NDST4: variants seen among roughly 807,000 people sequenced by gnomAD.
NDST4 encodes N-deacetylase and N-sulfotransferase 4.
In NDST4, 63 loss-of-function variants were observed where a neutral mutation model predicts 100.8. The ratio of observed to expected loss-of-function variants is 0.62; its 90% CI spans 0.51 to 0.77. The LOEUF is 0.77. Among genes scored for constraint, NDST4 ranks in the 30% least tolerant of loss-of-function variants. NDST4 has a pLI of 0.00. For synonymous variants in NDST4, 377 were observed against 361.8 expected (o/e 1.04, Z -0.48); for missense variants, 943 against 1,018.4 (o/e 0.93, Z 1.01).
chr4:114,873,900 G>A lies in NDST4; in HGVS notation c.1537-2950C>T, dbSNP rs576216706. On this transcript the variant is annotated intron_variant, in intron 6 of 13. Coordinates refer to ENST00000264363, the MANE Select transcript of NDST4 (RefSeq NM_022569.3). ...GAAATCTACCACCTGCCTTCTTAGC[G>A]TTGTTATTTTAAGAAGGAATTGTAA... Among the ~76,000 whole-genome samples, 119 of 152,126 alleles carry A rather than the reference G, an allele frequency of 7.8e-4. 3 individuals are homozygous for A. The South Asian group carries it at 0.016, about 21-fold the overall frequency.
At chr4:114,943,124 T>TA (rs1382219833) in intron 4 of NDST4, among the ~76,000 whole-genome samples, 1 of 148,570 alleles carries the variant, frequency 6.7e-6, no homozygotes, top group Non-Finnish European at 1.5e-5. Context: ...AGGATAAGCT[T>TA]AAAAAGATAA....
At chr4:115,033,975 T>G (rs1322025822) in intron 2 of NDST4, among the ~76,000 whole-genome samples, 1 of 152,170 alleles carries the variant, frequency 6.6e-6, no homozygotes, top group Non-Finnish European at 1.5e-5. Flanking sequence ...TATCGTATTT[T>G]GATCCTAAAA....
intron 6 of NDST4, among the ~76,000 whole-genome samples, chr4:114,908,547 GTGATA>G (rs1484743197): frequency 2.6e-5 from 4 of 152,064 alleles, no homozygotes; most frequent in East Asian, 1.9e-4. Context: ...CCATTTTTAT[GTGATA>G]TGATATGATA....
intron 6 of NDST4, among the ~76,000 whole-genome samples, chr4:114,896,361 C>T (rs1560800680): frequency 2.0e-5 from 3 of 152,060 alleles, no homozygotes; most frequent in African/African-American, 7.2e-5. Flanking sequence ...CGGTGGCTCA[C>T]GCCTGTAATC....
chr4:114,988,350 A>ATTTTT (rs1560846225), intron 2 of NDST4, among the ~76,000 whole-genome samples: 36 of 76,660 alleles, frequency 4.7e-4, no homozygotes, highest in South Asian at 1.1e-3. Flanking sequence ...AGATACACAT[A>ATTTTT]TCTTTTTTTT....
intron 1 of NDST4, among the ~76,000 whole-genome samples, chr4:115,092,111 G>A (rs377365154): frequency 6.6e-6 from 1 of 152,296 alleles, no homozygotes; most frequent in Non-Finnish European, 1.5e-5. Context: ...TTGAAAAGTA[G>A]CCATAGAGCA....
At chr4:114,908,256 T>C (rs1041296113) in intron 6 of NDST4, among the ~76,000 whole-genome samples, 3 of 152,152 alleles carry the variant, frequency 2.0e-5, no homozygotes, top group African/African-American at 7.2e-5. Flanking sequence ...GGTACATATA[T>C]TTAAAGTACT....
rs1227868489 is a variant in NDST4, at chr4:115,076,906, A to G, written c.131T>C (p.Ile44Thr). 2.0e-5 allele frequency: 33 copies of G among 1,613,676 alleles called. No individual in the cohort carries two copies. The highest frequency in any genetic ancestry group is 4.5e-5 in the East Asian group (2 of 44,772). Residue 44 changes from isoleucine (I) to threonine (T), a missense_variant, in exon 2 of 14, where the codon ATT becomes ACT. Transcript: ENST00000264363. ...GCATTCTGCTTCTGCAGTGGTTTCA[A>G]TAAGTGTCATTTCCTGTTTGTAGCC... ...YSGYKQEMTL[I>T]ETTAEAECTD...
At chr4:114,850,964 T>C (rs1723663959) in intron 8 of NDST4, among the ~76,000 whole-genome samples, 1 of 152,178 alleles carries the variant, frequency 6.6e-6, no homozygotes, top group African/African-American at 2.4e-5. Context: ...CTTCTCCCCT[T>C]CCTCATTCCC....
chr4:115,046,712 G>C (rs1728471064), intron 2 of NDST4, among the ~76,000 whole-genome samples: 1 of 152,062 alleles, frequency 6.6e-6, no homozygotes, highest in African/African-American at 2.4e-5. Flanking sequence ...TGTTAAGCCT[G>C]TGTTTTAGCT....
chr4:115,084,469 A>G (rs2126292504), intron 1 of NDST4, among the ~76,000 whole-genome samples: 1 of 152,294 alleles, frequency 6.6e-6, no homozygotes, highest in South Asian at 2.1e-4. Flanking sequence ...TGGGGAAAAC[A>G]TCTTCAGGGC....
At chr4:114,834,372 G>C (rs185775062) in intron 11 of NDST4, among the ~76,000 whole-genome samples, 13 of 152,146 alleles carry the variant, frequency 8.5e-5, no homozygotes, top group African/African-American at 3.1e-4. Context: ...AAATTAGCCA[G>C]TCATGGTGGC....
chr4:114,999,155 A>G (rs1727228871), intron 2 of NDST4, among the ~76,000 whole-genome samples: 1 of 152,046 alleles, frequency 6.6e-6, no homozygotes, highest in Non-Finnish European at 1.5e-5. Context: ...TCACTGAGAT[A>G]TTTAATTAGT....
At chr4:115,034,782 A>G (rs1024808070) in intron 2 of NDST4, among the ~76,000 whole-genome samples, 4 of 152,076 alleles carry the variant, frequency 2.6e-5, no homozygotes, top group Non-Finnish European at 5.9e-5. Context: ...CTGATTACTG[A>G]CCATGGCAGT....
chr4:115,063,787 C>CT (rs1673071893), intron 2 of NDST4, among the ~76,000 whole-genome samples: 1 of 151,828 alleles, frequency 6.6e-6, no homozygotes, highest in Admixed American at 6.6e-5. Context: ...TAAAAGATTG[C>CT]TTTTTTACCT....
At chr4:114,865,146 C>T (rs1265087088) in intron 7 of NDST4, among the ~76,000 whole-genome samples, 1 of 151,650 alleles carries the variant, frequency 6.6e-6, no homozygotes, top group Non-Finnish European at 1.5e-5. Flanking sequence ...CTCACTGCAA[C>T]CTCTGCCTCC....
intron 4 of NDST4, among the ~76,000 whole-genome samples, chr4:114,965,309 C>T (rs1361692450): frequency 1.3e-5 from 2 of 151,938 alleles, no homozygotes; most frequent in African/African-American, 2.4e-5. Context: ...TATCATATTA[C>T]TTTATTTCTT....
intron 11 of NDST4, 36 bp downstream of exon 11, chr4:114,839,342 T>C: frequency 6.4e-7 from 1 of 1,557,458 alleles, no homozygotes; most frequent in Non-Finnish European, 8.7e-7. Context: ...GACATTATAA[T>C]AAAATAAACA....
rs74850825 is a variant in NDST4 at position 114,974,678 on chromosome 4, C to T, written c.1066+2509G>A. On this transcript the variant is annotated intron_variant, in intron 3 of 13. Transcript: ENST00000264363. The stretch of plus-strand genomic sequence containing the variant: ...TGCTTTTATTTTTTTCCCATTTAAC[C>T]TGCACTACGTCCTTCCTCTTTCAGT... Among the ~76,000 whole-genome samples the T allele has an allele frequency of 7.0e-4, 107 of 152,144 alleles. 2 individuals carry two copies. In the East Asian group the frequency reaches 0.019, roughly 26 times the overall value.
Sources: allele counts gnomAD v4.1 joint callset (sites outside exome capture counted in the v4.1 genomes callset), GRCh38; gene constraint gnomAD v4.1.1; transcripts MANE v1.5; gene names NCBI Gene and HGNC (gene_info 2026-07-23, HGNC 2026-07-21).